The following MPDZ variants were observed in gnomAD, a reference collection of about 807,000 sequenced individuals.
MPDZ encodes multiple PDZ domain protein.
In MPDZ, 234 loss-of-function variants were observed where a neutral mutation model predicts 239.1. The observed-to-expected ratio is 0.98, with a 90% CI of 0.88 to 1.09. The LOEUF (loss-of-function observed/expected upper bound fraction) is 1.09. Among genes scored for constraint, MPDZ ranks in the 50% least tolerant of loss-of-function variants. The pLI is 0.00. For synonymous variants in MPDZ, 1,048 were observed against 881.3 expected, an observed-to-expected ratio of 1.19 and a Z score of -3.35; for missense variants, 3,175 against 2,510.0, an observed-to-expected ratio of 1.26 and a Z score of -5.66.
intron 34 of MPDZ, among the ~76,000 whole-genome samples, chr9:13,126,274 G>C (rs1463658440): frequency 3.9e-5 from 6 of 152,166 alleles, no homozygotes; most frequent in Admixed American, 3.9e-4. Flanking sequence ...GGAAAAAATG[G>C]AAATATTTAT....
rs763205090 is a variant in MPDZ, at chr9:13,188,844, T to C, written c.2304A>G (p.Val768=). 9.9e-6 allele frequency: 16 copies of C among 1,613,492 alleles called. No individual in the cohort carries two copies. The Admixed American group carries it at 2.2e-4, about 22-fold the overall frequency. Reference sequence around the variant, plus strand: ...CTGACGGTGCTCCCTTCAGTGCTTCTACAGCTTCCTCAAGACTGCTGTTTT... The same window carrying C: ...CTGACGGTGCTCCCTTCAGTGCTTCCACAGCTTCCTCAAGACTGCTGTTTT... ...NLENSSLEEA[V]EALKGAPSGT... is the part of the protein sequence containing the mutation. Residue 768 remains valine (V), a synonymous_variant, in exon 17 of 47, where the codon GTA becomes GTG. Transcript: ENST00000319217.
chr9:13,192,201 C>A lies in MPDZ; in HGVS notation c.1898G>T (p.Arg633Leu), dbSNP rs369982009. 6.2e-7 allele frequency: 1 copy of A among 1,610,762 alleles called. No individual in the cohort carries two copies. ...TGATTGGGTGGTGGGTGGCACAGTT[C>A]GACGACAGCACACCATTGTCACTTC... ...PIEVTMVCCRRTVPPTTQSEL... is the reference protein window; with the variant it reads ...PIEVTMVCCRLTVPPTTQSEL... Residue 633 changes from arginine (R) to leucine (L), a missense_variant, in exon 15 of 47, where the codon CGA (arginine) becomes CTA (leucine). By Grantham distance (102) the Arg-to-Leu change is moderately radical. Coordinates refer to ENST00000319217, the MANE Select transcript of MPDZ (RefSeq NM_001378778.1).
At chr9:13,187,533 T>G (rs1192986825) in intron 17 of MPDZ, among the ~76,000 whole-genome samples, 21 of 152,148 alleles carry the variant, frequency 1.4e-4, no homozygotes, top group Admixed American at 1.4e-3. Context: ...CGATTTCAGA[T>G]TGGATTAACA....
intron 46 of MPDZ, among the ~76,000 whole-genome samples, chr9:13,108,430 G>A (rs1196338005): frequency 6.6e-6 from 1 of 151,934 alleles, no homozygotes; most frequent in Non-Finnish European, 1.5e-5. Context: ...TGATAGGGCT[G>A]CTGGATACTC....
chr9:13,266,685 C>A, intron 1 of MPDZ, among the ~76,000 whole-genome samples: 1 of 152,148 alleles, frequency 6.6e-6, no homozygotes. Flanking sequence ...TTCCAAGGCT[C>A]CCTAACTCAG....
rs190076238 is a variant in MPDZ, at chr9:13,150,281, G to A, written c.3630+230C>T. ...ATATACATAAGAGAAAATTACGTAT[G>A]AAAATAAACAAATAAGAAAGAAATA... is the stretch of plus-strand genomic sequence containing the variant. On this transcript the variant is annotated intron_variant, in intron 25 of 46. Coordinates refer to ENST00000319217, the MANE Select transcript of MPDZ (RefSeq NM_001378778.1). 3.2e-3 allele frequency among the ~76,000 whole-genome samples: 481 copies of A among 151,724 alleles called. 2 individuals carry two copies. Among genetic ancestry groups the A allele is most frequent in the African/African-American group, 0.011 (472 of 41,402 alleles).
chr9:13,148,064 G>C (rs1397282635), intron 25 of MPDZ, among the ~76,000 whole-genome samples: 1 of 151,998 alleles, frequency 6.6e-6, no homozygotes, highest in Non-Finnish European at 1.5e-5. Flanking sequence ...GGTTTGGGAA[G>C]TAAGGGGTGA....
intron 3 of MPDZ, among the ~76,000 whole-genome samples, chr9:13,230,723 A>G (rs1304849862): frequency 1.3e-5 from 2 of 152,116 alleles, no homozygotes; most frequent in Non-Finnish European, 2.9e-5. Flanking sequence ...GTTAATCTAT[A>G]TAAGTAAAAA....
intron 11 of MPDZ, among the ~76,000 whole-genome samples, chr9:13,205,366 T>C (rs1359623487): frequency 6.6e-6 from 1 of 152,140 alleles, no homozygotes; most frequent in Non-Finnish European, 1.5e-5. Flanking sequence ...ATTTTAGAAA[T>C]GAAACAGCAC....
Position 13,116,582 on chromosome 9 carries a change from A to G in MPDZ, c.5380-1248T>C, listed in dbSNP as rs1943485224. The stretch of plus-strand genomic sequence containing the variant: ...TGTTTGGTTTGGGGTTTCTTACCAA[A>G]CTCTTCTTGAAACTATTTATATTTT... On this transcript the variant is annotated intron_variant, in intron 39 of 46. Coordinates refer to ENST00000319217, the MANE Select transcript of MPDZ (RefSeq NM_001378778.1). 2.0e-5 allele frequency among the ~76,000 whole-genome samples: 3 copies of G among 151,716 alleles called. No individual in the cohort carries two copies. The South Asian group carries it at 6.2e-4, about 32-fold the overall frequency.
chr9:13,211,872 G>A (rs1293612039), intron 10 of MPDZ, among the ~76,000 whole-genome samples: 2 of 151,990 alleles, frequency 1.3e-5, no homozygotes, highest in Admixed American at 6.6e-5. Context: ...TGGCTATTAT[G>A]AGTGGTTTCT....
chr9:13,154,409 C>T (rs1203156092), intron 24 of MPDZ, among the ~76,000 whole-genome samples: 13 of 152,132 alleles, frequency 8.5e-5, no homozygotes, highest in Non-Finnish European at 8.8e-5. Context: ...AGGTAAAACA[C>T]AGCTCTGAGG....
intron 1 of MPDZ, among the ~76,000 whole-genome samples, chr9:13,274,918 A>G (rs1055831141): frequency 1.3e-5 from 2 of 152,222 alleles, no homozygotes; most frequent in Admixed American, 1.3e-4. Context: ...GAATGCTTTT[A>G]TAAAACACTT....
chr9:13,159,991 T>C (rs1950270704), intron 23 of MPDZ, among the ~76,000 whole-genome samples: 1 of 152,182 alleles, frequency 6.6e-6, no homozygotes, highest in Admixed American at 6.6e-5. Flanking sequence ...AGTAGATCTC[T>C]TTATATCTGC....
chr9:13,109,831 C>G (rs1942123640), intron 45 of MPDZ, 121 bp downstream of exon 45: 1 of 763,784 alleles, frequency 1.3e-6, no homozygotes, highest in African/African-American at 1.7e-5. Flanking sequence ...ATTCACACTT[C>G]ATATATCCTA....
chr9:13,203,937 A>C (rs879413987), intron 12 of MPDZ, among the ~76,000 whole-genome samples: 5 of 152,110 alleles, frequency 3.3e-5, no homozygotes, highest in Non-Finnish European at 5.9e-5. Flanking sequence ...CCTGATATTC[A>C]CTTTAGCCTA....
At chr9:13,195,581 G>A (rs1955533288) in intron 13 of MPDZ, among the ~76,000 whole-genome samples, 1 of 151,944 alleles carries the variant, frequency 6.6e-6, no homozygotes, top group Admixed American at 6.6e-5. Flanking sequence ...TTTTGGGATG[G>A]TAGATCACAA....
At chr9:13,165,535 C>T in intron 22 of MPDZ, 1 of 1,000,938 alleles carries the variant, frequency 1.0e-6, no homozygotes, top group Non-Finnish European at 1.4e-6. Context: ...TTTTTTTTCC[C>T]CCTTTCCACC....
intron 1 of MPDZ, among the ~76,000 whole-genome samples, chr9:13,269,384 G>C (rs1564171857): frequency 6.6e-6 from 1 of 152,086 alleles, no homozygotes; most frequent in Non-Finnish European, 1.5e-5. Context: ...TGTTGCTGTT[G>C]TTTCCTTTTT....
Sources: gnomAD v4.1 joint callset for allele counts (sites outside exome capture counted in the v4.1 genomes callset) on GRCh38, gnomAD v4.1.1 for gene constraint, MANE v1.5 for transcripts, NCBI Gene and HGNC (gene_info 2026-07-23, HGNC 2026-07-21) for gene names.